KLF12: variants seen among roughly 807,000 people sequenced by gnomAD.
KLF12 encodes the protein KLF transcription factor 12.
A neutral mutation model predicts 37.8 loss-of-function variants in KLF12; 9 were observed. That is an observed-to-expected ratio of 0.24 (90% CI 0.14 to 0.42). KLF12 has a LOEUF of 0.42. Among genes scored for constraint, KLF12 ranks in the 10% least tolerant of loss-of-function variants. The pLI, the probability that KLF12 is intolerant of heterozygous loss-of-function variation, is 1.00. For missense variants in KLF12, 411 were observed against 516.0 expected (o/e 0.80, Z 1.97); for synonymous variants, 208 against 202.1 (o/e 1.03, Z -0.25).
chr13:74,151,575 C>T, the KLF12 span, among the ~76,000 whole-genome samples: 1 of 152,032 alleles, frequency 6.6e-6, no homozygotes, highest in African/African-American at 2.4e-5. Context: ...ATTGCTTGAG[C>T]CTGGGAGGCA....
chr13:74,268,377 A>G, the KLF12 span, among the ~76,000 whole-genome samples: 40 of 152,290 alleles, frequency 2.6e-4, 1 homozygote, highest in Non-Finnish European at 5.4e-4. Flanking sequence ...TATTTCTAGA[A>G]GCACCGTTAA....
At chr13:74,182,632 AAG>A in the KLF12 span, among the ~76,000 whole-genome samples, 1 of 152,212 alleles carries the variant, frequency 6.6e-6, no homozygotes, top group Admixed American at 6.5e-5. Context: ...CAGTGTGCAG[AAG>A]AAAGAAGAGC....
intron 1 of KLF12, among the ~76,000 whole-genome samples, chr13:74,050,045 C>T (rs932400576): frequency 6.6e-6 from 1 of 152,008 alleles, no homozygotes; most frequent in Non-Finnish European, 1.5e-5. Context: ...TGATAGGGCC[C>T]ACTGAGTATC....
At chr13:73,943,151 TAA>T (rs1890265330) in intron 3 of KLF12, among the ~76,000 whole-genome samples, 1 of 152,348 alleles carries the variant, frequency 6.6e-6, no homozygotes, top group South Asian at 2.1e-4. Context: ...GATTTTTTAA[TAA>T]GAGAGACACT....
intron 6 of KLF12, among the ~76,000 whole-genome samples, chr13:73,750,699 TAC>T (rs1458998390): frequency 6.6e-6 from 1 of 152,192 alleles, no homozygotes; most frequent in African/African-American, 2.4e-5. Flanking sequence ...GGTAAATGTG[TAC>T]CATGGTGATT....
At chr13:74,300,146 A>G in the KLF12 span, among the ~76,000 whole-genome samples, 1 of 152,184 alleles carries the variant, frequency 6.6e-6, no homozygotes, top group East Asian at 1.9e-4. Flanking sequence ...ACTTACGCAG[A>G]AAAAATATTT....
At chr13:74,288,174 G>T in the KLF12 span, among the ~76,000 whole-genome samples, 2 of 152,158 alleles carry the variant, frequency 1.3e-5, no homozygotes, top group Non-Finnish European at 2.9e-5. Context: ...ATAACCCAAT[G>T]GATTTGAGAG....
intron 3 of KLF12, among the ~76,000 whole-genome samples, chr13:73,880,581 C>T (rs566244649): frequency 3.3e-5 from 5 of 152,300 alleles, no homozygotes; most frequent in Admixed American, 6.5e-5. Context: ...CTCAACCATT[C>T]GCTTCCTAAT....
chr13:73,925,695 G>A (rs1889343031), intron 3 of KLF12, among the ~76,000 whole-genome samples: 1 of 152,082 alleles, frequency 6.6e-6, no homozygotes. Flanking sequence ...TGATTACTTT[G>A]ATGGACGTAC....
At chr13:74,004,647 A>G (rs561387206) in intron 1 of KLF12, among the ~76,000 whole-genome samples, 1 of 152,234 alleles carries the variant, frequency 6.6e-6, no homozygotes, top group Non-Finnish European at 1.5e-5. Context: ...TTAAAATAAG[A>G]TATTTCTAAA....
intron 5 of KLF12, among the ~76,000 whole-genome samples, chr13:73,785,769 T>C (rs1881301179): frequency 6.6e-6 from 1 of 152,162 alleles, no homozygotes; most frequent in African/African-American, 2.4e-5. Context: ...TTGCAATCCC[T>C]CTAAAGGAGG....
intron 1 of KLF12, among the ~76,000 whole-genome samples, chr13:74,015,670 G>A (rs895491846): frequency 3.9e-5 from 6 of 152,078 alleles, no homozygotes; most frequent in Non-Finnish European, 7.4e-5. Context: ...TTTGTACACT[G>A]TTCCCTCTAT....
chr13:73,774,640 AT>A (rs1174529504), intron 5 of KLF12, among the ~76,000 whole-genome samples: 11 of 152,190 alleles, frequency 7.2e-5, no homozygotes, highest in African/African-American at 2.4e-4. Flanking sequence ...CATTAGAAAA[AT>A]TGGGTGAAAG....
chr13:73,910,606 T>C (rs566625788), intron 3 of KLF12, among the ~76,000 whole-genome samples: 2 of 152,274 alleles, frequency 1.3e-5, no homozygotes, highest in South Asian at 2.1e-4. Flanking sequence ...GTTGTTATCA[T>C]AGGATACAAA....
At chr13:74,225,067 A>T in the KLF12 span, among the ~76,000 whole-genome samples, 1 of 152,198 alleles carries the variant, frequency 6.6e-6, no homozygotes, top group African/African-American at 2.4e-5. Flanking sequence ...TACAAATTAG[A>T]GATTATCAAT....
chr13:73,900,283 C>A (rs1185656375), intron 3 of KLF12, among the ~76,000 whole-genome samples: 1 of 152,116 alleles, frequency 6.6e-6, no homozygotes, highest in Non-Finnish European at 1.5e-5. Flanking sequence ...TCTAATTAGA[C>A]CTCCACATGT....
At chr13:74,269,011 G>T in the KLF12 span, among the ~76,000 whole-genome samples, 1 of 152,200 alleles carries the variant, frequency 6.6e-6, no homozygotes, top group East Asian at 1.9e-4. Context: ...TGAGACGAAA[G>T]TGGGGCTGGG....
Position 73,922,971 on chromosome 13 carries a change from G to A in KLF12, c.123+21010C>T, listed in dbSNP as rs371177643. On this transcript the variant is annotated intron_variant, in intron 3 of 7. Coordinates refer to ENST00000377669, the MANE Select transcript of KLF12 (RefSeq NM_007249.5). ...CCATCAGACCTTCCGCCACAAATTC[G>A]AAATCCAGCATCTCAGGTTCACTCC... 8.1e-4 allele frequency among the ~76,000 whole-genome samples: 123 copies of A among 152,188 alleles called. 2 individuals are homozygous for A. Among genetic ancestry groups the A allele is most frequent in the African/African-American group, 2.8e-3 (118 of 41,538 alleles).
chr13:74,059,440 A>C (rs1873446795), intron 1 of KLF12, among the ~76,000 whole-genome samples: 1 of 151,994 alleles, frequency 6.6e-6, no homozygotes, highest in Admixed American at 6.6e-5. Context: ...CACACCAACA[A>C]CTGTTGTTTC....
Sources: allele counts gnomAD v4.1 joint callset (sites outside exome capture counted in the v4.1 genomes callset), GRCh38; gene constraint gnomAD v4.1.1; transcripts MANE v1.5; gene names NCBI Gene and HGNC (gene_info 2026-07-23, HGNC 2026-07-21).